TRERF1: variants seen among roughly 807,000 people sequenced by gnomAD.
TRERF1 encodes transcriptional regulating factor 1.
A neutral mutation model predicts 122.9 loss-of-function variants in TRERF1; 27 were observed. That is an observed-to-expected ratio of 0.22 (90% confidence interval 0.16 to 0.30). The LOEUF is 0.30. Ranked by LOEUF, TRERF1 falls within the 10% of genes least tolerant of loss-of-function variation. TRERF1 has a pLI of 1.00. For synonymous variants in TRERF1, 636 were observed against 641.7 expected (o/e 0.99, Z 0.13); for missense variants, 1,248 against 1,560.3 (o/e 0.80, Z 3.37).
At chr6:42,238,273 T>G (rs1385480094) in intron 15 of TRERF1, among the ~76,000 whole-genome samples, 3 of 152,200 alleles carry the variant, frequency 2.0e-5, no homozygotes, top group Non-Finnish European at 4.4e-5. Flanking sequence ...TAATGACAAT[T>G]TTCTCACAAT....
At chr6:42,398,509 G>C (rs189712230) in intron 2 of TRERF1, among the ~76,000 whole-genome samples, 5 of 151,990 alleles carry the variant, frequency 3.3e-5, no homozygotes, top group Non-Finnish European at 7.4e-5. Flanking sequence ...TTAACCCCCC[G>C]CTTCCACTAC....
chr6:42,437,282 C>A (rs915360666), intron 2 of TRERF1, among the ~76,000 whole-genome samples: 1 of 152,152 alleles, frequency 6.6e-6, no homozygotes, highest in Non-Finnish European at 1.5e-5. Context: ...AGAGCACATT[C>A]AGCCCCAAAC....
At chr6:42,378,039 C>G (rs1179145555) in intron 2 of TRERF1, among the ~76,000 whole-genome samples, 1 of 151,988 alleles carries the variant, frequency 6.6e-6, no homozygotes, top group East Asian at 1.9e-4. Flanking sequence ...GGGTAAGAGG[C>G]AAGGGATTGG....
At chr6:42,410,258 G>A (rs1780919497) in intron 2 of TRERF1, among the ~76,000 whole-genome samples, 1 of 151,854 alleles carries the variant, frequency 6.6e-6, no homozygotes, top group African/African-American at 2.4e-5. Context: ...CTCCCACCAT[G>A]CGATTCCTCC....
intron 15 of TRERF1, 126 bp from the exon 16 acceptor site, chr6:42,236,537 C>T (rs1772251994): frequency 2.2e-6 from 3 of 1,382,386 alleles, no homozygotes; most frequent in Non-Finnish European, 1.9e-6. Flanking sequence ...TTTCTTTCTG[C>T]ATAAGGAATG....
chr6:42,382,143 C>T (rs974628138), intron 2 of TRERF1, among the ~76,000 whole-genome samples: 5 of 151,212 alleles, frequency 3.3e-5, no homozygotes, highest in African/African-American at 9.7e-5. Context: ...AAGTGTGGTA[C>T]CCAAATCCTT....
intron 3 of TRERF1, among the ~76,000 whole-genome samples, chr6:42,349,952 T>C (rs1453538459): frequency 1.3e-5 from 2 of 152,150 alleles, no homozygotes; most frequent in Non-Finnish European, 2.9e-5. Context: ...GCTACTACAA[T>C]TAAAAGTGGT....
At chr6:42,424,197 G>T (rs1783269013) in intron 2 of TRERF1, among the ~76,000 whole-genome samples, 1 of 152,168 alleles carries the variant, frequency 6.6e-6, no homozygotes, top group Non-Finnish European at 1.5e-5. Context: ...CTTAGTATAT[G>T]TCATGTATAC....
At chr6:42,272,337 G>A (rs140698860) in intron 4 of TRERF1, among the ~76,000 whole-genome samples, 1,627 of 152,260 alleles carry the variant, frequency 0.011, 14 homozygotes, top group Middle Eastern at 0.024. Context: ...AGTGAAGGGT[G>A]GAGGAAGGCG....
chr6:42,236,744 C>T (rs1440852923), intron 15 of TRERF1, among the ~76,000 whole-genome samples: 2 of 152,244 alleles, frequency 1.3e-5, no homozygotes, highest in African/African-American at 4.8e-5. Context: ...CTTAAAATGA[C>T]TAAAACTCAG....
intron 3 of TRERF1, among the ~76,000 whole-genome samples, chr6:42,308,888 A>T (rs1332810572): frequency 6.6e-6 from 1 of 152,190 alleles, no homozygotes; most frequent in East Asian, 1.9e-4. Flanking sequence ...CTCCCATGAC[A>T]TAAGTTTACC....
At chr6:42,357,320 C>G (rs796401407) in intron 3 of TRERF1, among the ~76,000 whole-genome samples, 1 of 123,138 alleles carries the variant, frequency 8.1e-6, no homozygotes, top group South Asian at 2.6e-4. Context: ...AAGAGTAAGA[C>G]TCTGTCTCAA....
At chr6:42,307,371 T>C (rs939086490) in intron 3 of TRERF1, among the ~76,000 whole-genome samples, 1 of 152,236 alleles carries the variant, frequency 6.6e-6, no homozygotes, top group Non-Finnish European at 1.5e-5. Context: ...TAACTTGATG[T>C]GTTTCTGAAA....
chr6:42,300,890 A>G (rs1167617539), intron 3 of TRERF1, 141 bp from the exon 4 acceptor site: 1 of 152,348 alleles, frequency 6.6e-6, no homozygotes, highest in African/African-American at 2.4e-5. Flanking sequence ...ATGAGGAAGC[A>G]GACAGGCATG....
intron 16 of TRERF1, among the ~76,000 whole-genome samples, chr6:42,235,755 C>T (rs797006649): frequency 5.2e-4 from 79 of 152,180 alleles, no homozygotes; most frequent in African/African-American, 1.8e-3. Flanking sequence ...AATGCAAAAC[C>T]TTCTAAATAG....
chr6:42,244,183 A>G (rs973457484), intron 14 of TRERF1, among the ~76,000 whole-genome samples: 3 of 148,560 alleles, frequency 2.0e-5, no homozygotes, highest in African/African-American at 7.5e-5. Context: ...CACCCATTCC[A>G]GAATTTTTTT....
chr6:42,341,867 A>G (rs1045995663), intron 3 of TRERF1, among the ~76,000 whole-genome samples: 3 of 152,240 alleles, frequency 2.0e-5, no homozygotes, highest in African/African-American at 4.8e-5. Context: ...TGTAAGAAGG[A>G]TGGCATAATG....
chr6:42,360,910 C>T (rs1262627114), intron 3 of TRERF1, among the ~76,000 whole-genome samples: 3 of 151,534 alleles, frequency 2.0e-5, no homozygotes, highest in South Asian at 2.1e-4. Flanking sequence ...TTCATTGTGC[C>T]GTGGGAGCCC....
intron 15 of TRERF1, among the ~76,000 whole-genome samples, chr6:42,239,123 T>C (rs894032463): frequency 6.4e-4 from 98 of 152,320 alleles, no homozygotes; most frequent in African/African-American, 1.9e-3. Context: ...TGGAACCAGC[T>C]GCTTTGAAAT....
Sources: gnomAD v4.1 joint callset for allele counts (sites outside exome capture counted in the v4.1 genomes callset) on GRCh38, gnomAD v4.1.1 for gene constraint, MANE v1.5 for transcripts, NCBI Gene and HGNC (gene_info 2026-07-23, HGNC 2026-07-21) for gene names.